The following RPS6KA2 variants were observed in gnomAD, a reference collection of about 807,000 sequenced individuals.
The protein encoded by RPS6KA2 is ribosomal protein S6 kinase alpha-2.
Under a neutral mutation model 91.8 loss-of-function variants are expected in RPS6KA2, and 42 were observed. That is an observed-to-expected ratio of 0.46 (90% CI 0.36 to 0.59). RPS6KA2 has a LOEUF of 0.59. RPS6KA2 is among the 20% of genes least tolerant of loss of function. The pLI is 0.00. For missense variants in RPS6KA2, 798 were observed against 978.5 expected, an observed-to-expected ratio of 0.82 and a Z score of 2.46; for synonymous variants, 414 against 393.6, an observed-to-expected ratio of 1.05 and a Z score of -0.61.
chr6:166,421,931 G>C (rs540498468), intron 17 of RPS6KA2, among the ~76,000 whole-genome samples: 3 of 152,088 alleles, frequency 2.0e-5, no homozygotes, highest in Admixed American at 6.5e-5. Flanking sequence ...ACGGAGTCCT[G>C]CTCTTTCAAC....
Position 166,448,908 on chromosome 6 carries a change from G to A in RPS6KA2, c.1207-59C>T. ...AACCCTCACACGAGGGGACGGTGCA[G>A]CTACACGCACACAGAATGTGGGGCG... On this transcript the variant is annotated intron_variant, in intron 13 of 20. Transcript: ENST00000265678. This position sits in a 1 kb window ranked among gnomAD's most constrained non-coding sequence, Gnocchi z 4.7. 5 of 1,594,712 alleles carry A rather than the reference G, an allele frequency of 3.1e-6. No individual in the cohort carries two copies. The highest frequency in any genetic ancestry group is 4.3e-6 in the Non-Finnish European group (5 of 1,166,456).
intron 2 of RPS6KA2, among the ~76,000 whole-genome samples, chr6:166,853,102 T>C (rs1292932477): frequency 6.6e-6 from 1 of 152,180 alleles, no homozygotes; most frequent in Admixed American, 6.5e-5. Flanking sequence ...AATGGTCCTA[T>C]TGTTATCAAT....
Position 166,666,355 on chromosome 6 carries a change from T to C in RPS6KA2, c.124-127571A>G, listed in dbSNP as rs926320624. Among the ~76,000 whole-genome samples the C allele has an allele frequency of 3.9e-5, 6 of 152,330 alleles. No individual in the cohort carries two copies. Among genetic ancestry groups the C allele is most frequent in the African/African-American group, 1.4e-4 (6 of 41,578 alleles). On this transcript the variant is annotated intron_variant, in intron 2 of 21. Coordinates refer to the RPS6KA2 transcript ENST00000503859. This position sits in a 1 kb window ranked among gnomAD's most constrained non-coding sequence, Gnocchi z 4.0. Reference sequence around the variant, plus strand: ...TCAATAATAATGTTCCACTAGCTAGTCAGGTACTCAGATCCTGACATTTGT... The same window carrying C: ...TCAATAATAATGTTCCACTAGCTAGCCAGGTACTCAGATCCTGACATTTGT...
At chr6:166,507,561 C>A (rs942556361) in intron 5 of RPS6KA2, among the ~76,000 whole-genome samples, 1 of 151,458 alleles carries the variant, frequency 6.6e-6, no homozygotes, top group East Asian at 1.9e-4. Context: ...CACCCACACA[C>A]AAACACACCC....
intron 2 of RPS6KA2, among the ~76,000 whole-genome samples, chr6:166,848,164 C>T (rs1393863194): frequency 1.3e-5 from 2 of 152,198 alleles, no homozygotes; most frequent in South Asian, 2.1e-4. Context: ...AATGCTTCAA[C>T]ATCACTTATT....
chr6:166,579,008 A>C (rs1784925281), intron 1 of RPS6KA2, among the ~76,000 whole-genome samples: 1 of 152,224 alleles, frequency 6.6e-6, no homozygotes, highest in South Asian at 2.1e-4. Flanking sequence ...GAGAAGGCCC[A>C]GGTTAGAAGG....
At chr6:166,585,426 T>C (rs1785136907) in intron 1 of RPS6KA2, among the ~76,000 whole-genome samples, 2 of 151,804 alleles carry the variant, frequency 1.3e-5, no homozygotes, top group Admixed American at 6.6e-5. Context: ...CATTTACTTA[T>C]AATTGTGTGC....
At chr6:166,786,093 G>T (rs911485894) in intron 2 of RPS6KA2, among the ~76,000 whole-genome samples, 1 of 152,156 alleles carries the variant, frequency 6.6e-6, no homozygotes, top group East Asian at 1.9e-4. Flanking sequence ...TGAGAAAATT[G>T]AGTTAGGAAC....
At position 166,494,563 on chromosome 6, in the gene RPS6KA2, A is replaced by G. The variant is rs1164344543; in HGVS notation, c.748-3822T>C. On this transcript the variant is annotated intron_variant, in intron 8 of 20. Coordinates refer to ENST00000265678, the MANE Select transcript of RPS6KA2 (RefSeq NM_021135.6). The surrounding 1 kb of genome is among the most constrained non-coding windows in gnomAD (Gnocchi z 5.1). ...TACAAAACAGCCCAAATATCCTTCTAGAAACTGGCTCCAGCCTGGCGTAGA... is the reference window on the plus strand; with the variant it reads ...TACAAAACAGCCCAAATATCCTTCTGGAAACTGGCTCCAGCCTGGCGTAGA... Among the ~76,000 whole-genome samples the G allele has an allele frequency of 6.6e-6, 1 of 152,262 alleles. No homozygotes were observed. Among genetic ancestry groups the G allele is most frequent in the Non-Finnish European group, 1.5e-5 (1 of 68,044 alleles).
At position 166,490,123 on chromosome 6, in the gene RPS6KA2, G is replaced by A. The variant is rs1781537687; in HGVS notation, c.818+548C>T. Among the ~76,000 whole-genome samples the A allele has an allele frequency of 6.6e-6, 1 of 152,172 alleles. No individual in the cohort carries two copies. The highest frequency in any genetic ancestry group is 1.5e-5 in the Non-Finnish European group (1 of 68,036). ...CTTGGCTTAGTAAATGATTTTTCATGAGAATTAAGCAGAAAATGGTTTGTA... is the reference window on the plus strand; with the variant it reads ...CTTGGCTTAGTAAATGATTTTTCATAAGAATTAAGCAGAAAATGGTTTGTA... On this transcript the variant is annotated intron_variant, in intron 9 of 20. Transcript: ENST00000265678. This position sits in a 1 kb window ranked among gnomAD's most constrained non-coding sequence, Gnocchi z 4.2.
rs184330830 is a variant in RPS6KA2, at chr6:166,445,431, C to A, written c.1332+3293G>T. ...GCTGAGGCTGGGCTTCTCAACCTTT[C>A]GTTGGGGCAGCAGGTTGTGGGGGCT... On this transcript the variant is annotated intron_variant, in intron 14 of 20. Transcript: ENST00000265678. The surrounding 1 kb of genome is among the most constrained non-coding windows in gnomAD (Gnocchi z 4.5). Among the ~76,000 whole-genome samples the A allele has an allele frequency of 3.2e-4, 48 of 152,314 alleles. No individual in the cohort carries two copies. The highest frequency in any genetic ancestry group is 1.1e-3 in the African/African-American group (47 of 41,576).
intron 2 of RPS6KA2, among the ~76,000 whole-genome samples, chr6:166,694,081 G>A (rs1182885702): frequency 6.6e-6 from 1 of 152,222 alleles, no homozygotes; most frequent in Non-Finnish European, 1.5e-5. Flanking sequence ...AGACGATGGC[G>A]AACCTCTTTA....
intron 2 of RPS6KA2, among the ~76,000 whole-genome samples, chr6:166,773,448 G>T (rs1383740103): frequency 6.6e-6 from 1 of 151,996 alleles, no homozygotes; most frequent in Non-Finnish European, 1.5e-5. Flanking sequence ...GTCACCCAGG[G>T]TGGAGTACAG....
chr6:166,429,836 G>A (rs1448266981), intron 16 of RPS6KA2, among the ~76,000 whole-genome samples: 1 of 152,150 alleles, frequency 6.6e-6, no homozygotes, highest in African/African-American at 2.4e-5. Flanking sequence ...GCTCCCGTGT[G>A]TATGTGAGAT....
chr6:166,677,308 A>G (rs1169072894), intron 2 of RPS6KA2, among the ~76,000 whole-genome samples: 1 of 152,194 alleles, frequency 6.6e-6, no homozygotes, highest in Non-Finnish European at 1.5e-5. Context: ...AAGATACTAT[A>G]CAATACAAAT....
intron 2 of RPS6KA2, among the ~76,000 whole-genome samples, chr6:166,843,029 G>A (rs546325606): frequency 2.6e-5 from 4 of 152,282 alleles, no homozygotes; most frequent in East Asian, 1.9e-4. Context: ...AAATAGACTC[G>A]GTGCTGTTGG....
exon 1 of RPS6KA2, chr6:166,862,378 G>A (rs921704923): frequency 4.8e-5 from 67 of 1,407,104 alleles, no homozygotes; most frequent in Admixed American, 4.3e-4. Flanking sequence ...AGGGACCCGG[G>A]GGGCTGCAAT....
chr6:166,831,922 AGAT>A (rs1443791681), intron 2 of RPS6KA2, among the ~76,000 whole-genome samples: 2 of 150,156 alleles, frequency 1.3e-5, no homozygotes, highest in African/African-American at 4.9e-5. Context: ...ATAGATAGAC[AGAT>A]GATAGATAAT....
intron 2 of RPS6KA2, among the ~76,000 whole-genome samples, chr6:166,751,489 G>A (rs1791282264): frequency 1.3e-5 from 2 of 152,268 alleles, no homozygotes; most frequent in South Asian, 2.1e-4. Context: ...ACCGCAGGGC[G>A]TGGAGGAGGT....
Sources: allele counts gnomAD v4.1 joint callset (sites outside exome capture counted in the v4.1 genomes callset), GRCh38; gene constraint gnomAD v4.1.1; non-coding constraint Gnocchi (gnomAD v3.1); transcripts MANE v1.5; gene names NCBI Gene and HGNC (gene_info 2026-07-23, HGNC 2026-07-21).